The following NXNL2 variants were observed in gnomAD, a reference collection of about 807,000 sequenced individuals.
NXNL2 encodes nucleoredoxin-like protein 2.
Under a neutral mutation model 11.1 loss-of-function variants are expected in NXNL2, and 7 were observed. That is an observed-to-expected ratio of 0.63 (90% confidence interval 0.36 to 1.18). The LOEUF is 1.18. Ranked by LOEUF, NXNL2 falls within the 50% of genes most tolerant of loss-of-function variation. NXNL2 has a pLI of 0.02. For synonymous variants in NXNL2, 109 were observed against 101.8 expected (o/e 1.07, Z -0.42); for missense variants, 233 against 217.7 (o/e 1.07, Z -0.44).
At chr9:88,555,141 A>C (rs1829992304) in intron 1 of NXNL2, among the ~76,000 whole-genome samples, 1 of 152,222 alleles carries the variant, frequency 6.6e-6, no homozygotes, top group Non-Finnish European at 1.5e-5. Flanking sequence ...TTTGCACAGG[A>C]AAGAATTCAA....
intron 2 of NXNL2, among the ~76,000 whole-genome samples, chr9:88,573,634 T>TATTGCCA (rs1332446968): frequency 6.6e-6 from 1 of 152,128 alleles, no homozygotes; most frequent in Non-Finnish European, 1.5e-5. Context: ...ATGGAAATGG[T>TATTGCCA]AGACTGGTGG....
chr9:88,540,050 C>T (rs1035313413), intron 1 of NXNL2, among the ~76,000 whole-genome samples: 2 of 151,054 alleles, frequency 1.3e-5, no homozygotes, highest in South Asian at 2.1e-4. Context: ...AGGTGTTGTG[C>T]GGCCGGGCGT....
rs372823254 is a variant in NXNL2, at chr9:88,558,086, G to A, written c.303-13001G>A. On this transcript the variant is annotated intron_variant, in intron 1 of 2. Coordinates refer to the NXNL2 transcript ENST00000375855. ...TTGTATGTCAATGAAATGACTGCTGGTTGGGGGCCCCTGAATAGCCTCAGG... is the reference window on the plus strand; with the variant it reads ...TTGTATGTCAATGAAATGACTGCTGATTGGGGGCCCCTGAATAGCCTCAGG... Among the ~76,000 whole-genome samples the A allele has an allele frequency of 6.2e-4, 94 of 152,310 alleles. No individual in the cohort carries two copies. The East Asian group carries it at 9.1e-3, about 15-fold the overall frequency.
At chr9:88,551,822 A>G (rs931592048) in intron 1 of NXNL2, among the ~76,000 whole-genome samples, 1 of 152,132 alleles carries the variant, frequency 6.6e-6, no homozygotes, top group African/African-American at 2.4e-5. Context: ...CTTATCTCCT[A>G]TCAGGAGGAG....
In NXNL2 at chr9:88,535,347, G is replaced by A. The variant is rs1829580444; in HGVS notation, c.-88G>A. On this transcript the variant is annotated 5_prime_UTR_variant, in exon 1 of 2. Coordinates refer to ENST00000375854, the MANE Select transcript of NXNL2 (RefSeq NM_001161625.2). ...GCGCCCGGTGGTGCGGACAGAGGCG[G>A]GGCACCGCGGCGCTCGCCGCCGCCT... 7.5e-7 allele frequency: 1 copy of A among 1,329,830 alleles called. No homozygotes were observed. Among genetic ancestry groups the A allele is most frequent in the Non-Finnish European group, 1.0e-6 (1 of 999,320 alleles). 82.4% of individuals were successfully genotyped at this position (1,329,830 alleles called of 1,614,324 possible).
intron 1 of NXNL2, among the ~76,000 whole-genome samples, chr9:88,542,090 A>G (rs12349501): frequency 0.35 from 53,102 of 150,540 alleles, 17,361 homozygotes; most frequent in African/African-American, 0.83. Context: ...AAAATTAGCC[A>G]GGCATGGTGG....
Position 88,552,474 on chromosome 9 carries a change from T to G in NXNL2, c.302+16738T>G, listed in dbSNP as rs946228621. Among the ~76,000 whole-genome samples, 8 of 72,930 alleles carry G rather than the reference T, an allele frequency of 1.1e-4. No individual in the cohort carries two copies. The African/African-American group carries it at 1.2e-3, about 11-fold the overall frequency. 47.8% of individuals were successfully genotyped at this position (72,930 alleles called of 152,430 possible). A position where few individuals can be genotyped will look rare whatever the true frequency, so the allele number is the denominator to read the frequency against. ...TAGTTTTCTGCTTTAAACATGCATG[T>G]TTTTTTTTTTTTTTTTGAGATGGAG... On this transcript the variant is annotated intron_variant, in intron 1 of 2. Coordinates refer to the NXNL2 transcript ENST00000375855.
chr9:88,562,293 C>T (rs1830094518), intron 1 of NXNL2, among the ~76,000 whole-genome samples: 1 of 152,052 alleles, frequency 6.6e-6, no homozygotes, highest in African/African-American at 2.4e-5. Flanking sequence ...GTTAGAAATG[C>T]AAAGGGCACC....
In NXNL2 at chr9:88,535,655, G is replaced by T; in HGVS notation, c.221G>T (p.Gly74Val). 1 of 1,608,464 alleles carries T rather than the reference G, an allele frequency of 6.2e-7. No individual in the cohort carries two copies. The change falls in exon 1 of 2, where the codon GGC becomes GTC. Residue 74 changes from glycine (G) to valine (V), a missense_variant. Gly to Val is a moderately radical substitution (Grantham distance 109). Coordinates refer to ENST00000375854, the MANE Select transcript of NXNL2 (RefSeq NM_001161625.2). ...GAAGTGGTCTTCGTGTCAGCCGACGGCAGCTCCCAGGAGATGCTGGACTTC... is the reference window on the plus strand; with the variant it reads ...GAAGTGGTCTTCGTGTCAGCCGACGTCAGCTCCCAGGAGATGCTGGACTTC... ...PFEVVFVSAD[G>V]SSQEMLDFMR...
downstream of NXNL2, among the ~76,000 whole-genome samples, chr9:88,546,818 C>T (rs1177318968): frequency 6.6e-6 from 1 of 152,170 alleles, no homozygotes; most frequent in Admixed American, 6.5e-5. Flanking sequence ...ACTATTTCTA[C>T]AAGTGCCTTG....
Position 88,544,736 on chromosome 9 carries a change from A to T in NXNL2, c.*189A>T. 1 of 1,368,974 alleles carries T rather than the reference A, an allele frequency of 7.3e-7. No individual in the cohort carries two copies. The highest frequency in any genetic ancestry group is 9.4e-7 in the Non-Finnish European group (1 of 1,066,626). The allele number at this position is 1,368,974 out of a possible 1,614,324, so 84.8% of individuals were successfully genotyped here. ...AATACACTCCATATTTTGATCATGC[A>T]GGCTGTTTGTATTATAGTTATTTTT... On this transcript the variant is annotated 3_prime_UTR_variant, in exon 2 of 2. Transcript: ENST00000375854.
chr9:88,547,375 G>C (rs542788085), downstream of NXNL2, among the ~76,000 whole-genome samples: 20 of 152,294 alleles, frequency 1.3e-4, no homozygotes, highest in African/African-American at 4.3e-4. Context: ...GCTGGTCACT[G>C]TGCACTGGAG....
chr9:88,566,451 C>T (rs1387495057), intron 1 of NXNL2, among the ~76,000 whole-genome samples: 2 of 152,056 alleles, frequency 1.3e-5, no homozygotes, highest in Non-Finnish European at 2.9e-5. Flanking sequence ...TGCAGGCACG[C>T]ACCACCACAC....
intron 1 of NXNL2, among the ~76,000 whole-genome samples, chr9:88,564,691 C>T (rs1032665721): frequency 2.0e-5 from 3 of 152,236 alleles, no homozygotes; most frequent in Non-Finnish European, 4.4e-5. Context: ...GCTGGGATTA[C>T]AGGCGTGAGC....
intron 1 of NXNL2, 52 bp from the exon 2 acceptor site, chr9:88,544,327 T>A (rs1404345597): frequency 2.0e-6 from 3 of 1,491,150 alleles, no homozygotes; most frequent in Non-Finnish European, 2.7e-6. Flanking sequence ...GCGTGTCCCT[T>A]CAGATGTGCA....
At chr9:88,551,135 T>C (rs1187805307) in intron 1 of NXNL2, among the ~76,000 whole-genome samples, 1 of 152,228 alleles carries the variant, frequency 6.6e-6, no homozygotes, top group Non-Finnish European at 1.5e-5. Flanking sequence ...TATACTTTCA[T>C]GATGCCTTAG....
At chr9:88,565,004 G>A (rs1830147603) in intron 1 of NXNL2, among the ~76,000 whole-genome samples, 1 of 152,114 alleles carries the variant, frequency 6.6e-6, no homozygotes, top group South Asian at 2.1e-4. Context: ...TATCCATTGA[G>A]TAGCAACCTC....
chr9:88,552,786 C>A (rs763508075), intron 1 of NXNL2, among the ~76,000 whole-genome samples: 8 of 152,142 alleles, frequency 5.3e-5, no homozygotes, highest in Non-Finnish European at 8.8e-5. Flanking sequence ...CATTCTTAAC[C>A]TTTATAATAC....
At chr9:88,578,397 G>A (rs1043230659), downstream of NXNL2, among the ~76,000 whole-genome samples, 1 of 152,206 alleles carries the variant, frequency 6.6e-6, no homozygotes, top group African/African-American at 2.4e-5. Flanking sequence ...GTGTGAATTT[G>A]GATACAAGCA....
Sources: gnomAD v4.1 joint callset for allele counts (sites outside exome capture counted in the v4.1 genomes callset) on GRCh38, gnomAD v4.1.1 for gene constraint, MANE v1.5 for transcripts, NCBI Gene and HGNC (gene_info 2026-07-23, HGNC 2026-07-21) for gene names.